The following DCC variants were observed in gnomAD, a reference collection of about 807,000 sequenced individuals.
The protein encoded by DCC is DCC netrin 1 receptor.
DCC carries 58 observed loss-of-function variants against 172.5 expected under a neutral mutation model. The ratio of observed to expected loss-of-function variants is 0.34; its 90% CI spans 0.27 to 0.42. The LOEUF (loss-of-function observed/expected upper bound fraction) is 0.42. Ranked by LOEUF, DCC falls within the 10% of genes least tolerant of loss-of-function variation. DCC has a pLI of 1.00. For synonymous variants in DCC, 709 were observed against 644.5 expected (o/e 1.10, Z -1.52); for missense variants, 1,740 against 1,791.0 (o/e 0.97, Z 0.51).
At chr18:52,429,079 C>T (rs1033480375) in intron 1 of DCC, among the ~76,000 whole-genome samples, 26 of 152,040 alleles carry the variant, frequency 1.7e-4, no homozygotes, top group Admixed American at 1.2e-3. Context: ...CTAAGATCTA[C>T]GTACAGTTAT....
chr18:53,089,407 A>T (rs978026686), intron 7 of DCC, among the ~76,000 whole-genome samples: 1 of 151,714 alleles, frequency 6.6e-6, no homozygotes, highest in Non-Finnish European at 1.5e-5. Flanking sequence ...TTTTTAAGTA[A>T]TTTTTTCCTC....
intron 8 of DCC, among the ~76,000 whole-genome samples, chr18:53,160,361 T>C (rs2054816966): frequency 6.6e-6 from 1 of 152,318 alleles, no homozygotes; most frequent in African/African-American, 2.4e-5. Context: ...TTCATAGAGA[T>C]CTGCAATCTG....
At chr18:52,795,908 T>C (rs570115055) in intron 2 of DCC, among the ~76,000 whole-genome samples, 10 of 151,208 alleles carry the variant, frequency 6.6e-5, no homozygotes, top group Non-Finnish European at 1.5e-4. Context: ...ATATTCTTTC[T>C]ATTAAATATT....
At chr18:53,515,655 A>C (rs1200043518) in intron 27 of DCC, among the ~76,000 whole-genome samples, 2 of 148,328 alleles carry the variant, frequency 1.3e-5, no homozygotes, top group Non-Finnish European at 3.0e-5. Flanking sequence ...TACACCAACA[A>C]CAGACAAACA....
intron 3 of DCC, among the ~76,000 whole-genome samples, chr18:52,906,886 G>T: frequency 6.6e-6 from 1 of 151,802 alleles, no homozygotes; most frequent in East Asian, 1.9e-4. Flanking sequence ...AGCATCTAGA[G>T]ATGAATGGCA....
intron 12 of DCC, among the ~76,000 whole-genome samples, chr18:53,268,629 G>A (rs777383949): frequency 1.1e-4 from 16 of 151,956 alleles, no homozygotes; most frequent in Non-Finnish European, 1.8e-4. Flanking sequence ...AAAAAATGGC[G>A]AGATTCATAT....
At chr18:53,190,875 G>A (rs560258921) in intron 9 of DCC, among the ~76,000 whole-genome samples, 1 of 152,184 alleles carries the variant, frequency 6.6e-6, no homozygotes, top group Non-Finnish European at 1.5e-5. Flanking sequence ...GAACCTGGGA[G>A]GCGGAGCTTG....
At chr18:53,464,351 C>A (rs2045593310) in intron 24 of DCC, among the ~76,000 whole-genome samples, 1 of 152,148 alleles carries the variant, frequency 6.6e-6, no homozygotes, top group Non-Finnish European at 1.5e-5. Flanking sequence ...TGAATAACAT[C>A]TATAAAAGAG....
intron 1 of DCC, among the ~76,000 whole-genome samples, chr18:52,677,910 A>G (rs1021712029): frequency 1.3e-5 from 2 of 152,170 alleles, no homozygotes; most frequent in African/African-American, 4.8e-5. Flanking sequence ...CAGTAGCCAT[A>G]ATACGCCACC....
chr18:53,280,406 T>A (rs1464552217), intron 12 of DCC, among the ~76,000 whole-genome samples: 1 of 152,152 alleles, frequency 6.6e-6, no homozygotes, highest in Admixed American at 6.6e-5. Context: ...TGTCATGAAG[T>A]TACTGAAAAT....
At chr18:52,634,306 C>T (rs1177451561) in intron 1 of DCC, among the ~76,000 whole-genome samples, 2 of 152,282 alleles carry the variant, frequency 1.3e-5, no homozygotes, top group African/African-American at 4.8e-5. Context: ...GCATCTGTAA[C>T]AAAACCTAAT....
rs192373451 is a variant in DCC at position 52,535,632 on chromosome 18, G to T, written c.91+194754G>T. Among the ~76,000 whole-genome samples, 498 of 152,228 alleles carry T rather than the reference G, an allele frequency of 3.3e-3. 2 individuals are homozygous for T. Among genetic ancestry groups the T allele is most frequent in the South Asian group, 9.1e-3 (44 of 4,828 alleles). On this transcript the variant is annotated intron_variant, in intron 1 of 28. Coordinates refer to ENST00000442544, the MANE Select transcript of DCC (RefSeq NM_005215.4). ...ATTAATTGGGAAAATTGTCTGGGAG[G>T]TTTATTGGAAAGCAAATGATTTTGC...
Position 52,627,589 on chromosome 18 carries a change from T to C in DCC, c.92-124465T>C, listed in dbSNP as rs2034597825. On this transcript the variant is annotated intron_variant, in intron 1 of 28. Transcript: ENST00000442544. ...GGTTGTTCAGTTGAGCTTCCCCATGTTATCTCTGCAGAGAACAACTTCTTT... is the reference window on the plus strand; with the variant it reads ...GGTTGTTCAGTTGAGCTTCCCCATGCTATCTCTGCAGAGAACAACTTCTTT... Among the ~76,000 whole-genome samples the C allele has an allele frequency of 2.6e-5, 4 of 152,362 alleles. No individual in the cohort carries two copies. In the South Asian group the frequency reaches 8.3e-4, roughly 32 times the overall value.
rs189360055 is a variant in DCC, at chr18:52,846,588, C to G, written c.413-59456C>G. On this transcript the variant is annotated intron_variant, in intron 2 of 28. Transcript: ENST00000442544. ...TAACTGCTTCCTCCTCCTCTTCTAT[C>G]TCCCCCTTCTGCCACTCCAAACACA... Among the ~76,000 whole-genome samples, 9 of 141,778 alleles carry G rather than the reference C, an allele frequency of 6.3e-5. No homozygotes were observed. In the East Asian group the frequency reaches 1.8e-3, roughly 29 times the overall value. 93.0% of individuals were successfully genotyped at this position (141,778 alleles called of 152,430 possible).
chr18:53,303,431 C>T (rs771676884), intron 12 of DCC, among the ~76,000 whole-genome samples: 6 of 152,160 alleles, frequency 3.9e-5, no homozygotes, highest in South Asian at 2.1e-4. Flanking sequence ...TTTTCCACTT[C>T]CTTTATGCTA....
At chr18:53,213,367 C>T (rs553706316) in intron 11 of DCC, among the ~76,000 whole-genome samples, 11 of 151,892 alleles carry the variant, frequency 7.2e-5, no homozygotes, top group African/African-American at 1.9e-4. Flanking sequence ...AGAAGTGACT[C>T]GGCCGGGCGT....
intron 2 of DCC, among the ~76,000 whole-genome samples, chr18:52,838,767 C>T (rs1429932335): frequency 6.6e-6 from 1 of 151,950 alleles, no homozygotes. Context: ...TATAAATGGC[C>T]AATGAGCCAG....
intron 1 of DCC, among the ~76,000 whole-genome samples, chr18:52,504,757 C>A (rs1041520791): frequency 2.0e-5 from 3 of 152,028 alleles, no homozygotes; most frequent in African/African-American, 7.2e-5. Flanking sequence ...TATGCTCTAC[C>A]TTTGTGCCGC....
At chr18:52,837,780 G>A (rs1050413209) in intron 2 of DCC, among the ~76,000 whole-genome samples, 3 of 152,124 alleles carry the variant, frequency 2.0e-5, no homozygotes, top group Non-Finnish European at 4.4e-5. Context: ...CCAATTTACT[G>A]TATTAGTCCA....
Sources: gnomAD v4.1 joint callset for allele counts (sites outside exome capture counted in the v4.1 genomes callset) on GRCh38, gnomAD v4.1.1 for gene constraint, MANE v1.5 for transcripts, NCBI Gene and HGNC (gene_info 2026-07-23, HGNC 2026-07-21) for gene names.